Variants in PALM2AKAP2 observed in about 807,000 individuals in gnomAD.
PALM2AKAP2 encodes PALM2-AKAP2 fusion protein.
Under a neutral mutation model 71.5 loss-of-function variants are expected in PALM2AKAP2, and 37 were observed. That is an observed-to-expected ratio of 0.52 (90% CI 0.40 to 0.68). The LOEUF is 0.68. Among genes scored for constraint, PALM2AKAP2 ranks in the 30% least tolerant of loss-of-function variants. The pLI, the probability that PALM2AKAP2 is intolerant of heterozygous loss-of-function variation, is 0.00. For missense variants in PALM2AKAP2, 1,224 were observed against 1,191.8 expected, an observed-to-expected ratio of 1.03 and a Z score of -0.40; for synonymous variants, 468 against 478.8, an observed-to-expected ratio of 0.98 and a Z score of 0.29.
chr9:110,164,623 C>G (rs929748950), intron 3 of PALM2AKAP2, among the ~76,000 whole-genome samples: 9 of 151,622 alleles, frequency 5.9e-5, no homozygotes, highest in African/African-American at 2.2e-4. Flanking sequence ...CTCTGCCTCC[C>G]ATGCTCAGGC....
chr9:110,048,830 G>T (rs1416256524), exon 1 of PALM2AKAP2: 1 of 1,532,044 alleles, frequency 6.5e-7, no homozygotes, highest in African/African-American at 1.4e-5. Context: ...CCCCAGGACT[G>T]CGCCCCCGGG....
At chr9:109,971,282 C>CTTTTTT (rs1304200183) in intron 6 of PALM2AKAP2, among the ~76,000 whole-genome samples, 7 of 100,760 alleles carry the variant, frequency 6.9e-5, no homozygotes, top group East Asian at 7.2e-4. Flanking sequence ...ACTCTTAGTC[C>CTTTTTT]CTTTTTTTTT....
At chr9:109,839,459 C>T (rs1174268734) in intron 1 of PALM2AKAP2, among the ~76,000 whole-genome samples, 1 of 152,116 alleles carries the variant, frequency 6.6e-6, no homozygotes, top group Admixed American at 6.5e-5. Context: ...GGAAGCATTC[C>T]CTTTGAAAAC....
intron 7 of PALM2AKAP2, among the ~76,000 whole-genome samples, chr9:110,032,603 A>C (rs1283831678): frequency 6.6e-6 from 1 of 151,950 alleles, no homozygotes; most frequent in Non-Finnish European, 1.5e-5. Context: ...AGGCAGAAGA[A>C]TCGCTTGACC....
rs34347147 is a variant in PALM2AKAP2 at position 110,057,366 on chromosome 9, GTTTT to G, written c.156+8522_156+8525del. Among the ~76,000 whole-genome samples, 249 of 134,094 alleles carry G rather than the reference GTTTT, an allele frequency of 1.9e-3. 1 individual carries two copies. Among genetic ancestry groups the G allele is most frequent in the African/African-American group, 6.5e-3 (235 of 36,288 alleles). 88.0% of individuals were successfully genotyped at this position (134,094 alleles called of 152,430 possible). On this transcript the variant is annotated intron_variant, in intron 1 of 3. Transcript: ENST00000374525. Reference sequence around the variant, plus strand: ...AGTTTTCCTACCCAGCTCCTTCTCTGTTTTTTTTTTTTTTGTTTTTTTGTTTTTT... The same window carrying G: ...AGTTTTCCTACCCAGCTCCTTCTCTGTTTTTTTTTTGTTTTTTTGTTTTTT...
intron 1 of PALM2AKAP2, among the ~76,000 whole-genome samples, chr9:109,712,298 T>C (rs141629404): frequency 1.9e-3 from 292 of 152,328 alleles, no homozygotes; most frequent in Non-Finnish European, 3.2e-3. Flanking sequence ...TAATATCTAC[T>C]GACAAAAGAG....
At chr9:109,835,047 T>C (rs1035473628) in intron 1 of PALM2AKAP2, among the ~76,000 whole-genome samples, 1 of 152,002 alleles carries the variant, frequency 6.6e-6, no homozygotes, top group African/African-American at 2.4e-5. Context: ...CACAGTGCCA[T>C]TGAGTCTGAG....
chr9:110,017,389 C>A (rs967781259), intron 7 of PALM2AKAP2, among the ~76,000 whole-genome samples: 1 of 152,164 alleles, frequency 6.6e-6, no homozygotes, highest in African/African-American at 2.4e-5. Flanking sequence ...TGGTAACTAT[C>A]CAGTGCTGAA....
At chr9:109,964,682 C>T (rs1831913771) in intron 6 of PALM2AKAP2, among the ~76,000 whole-genome samples, 1 of 152,160 alleles carries the variant, frequency 6.6e-6, no homozygotes, top group African/African-American at 2.4e-5. Flanking sequence ...CTTACTATAC[C>T]TCAGCTGGGA....
At chr9:110,031,068 A>G (rs929677061) in intron 7 of PALM2AKAP2, among the ~76,000 whole-genome samples, 1 of 152,154 alleles carries the variant, frequency 6.6e-6, no homozygotes, top group Non-Finnish European at 1.5e-5. Context: ...AGGGTAGGGT[A>G]TTGGATTTGT....
intron 2 of PALM2AKAP2, among the ~76,000 whole-genome samples, chr9:110,140,821 C>G (rs1053247080): frequency 6.6e-5 from 10 of 152,174 alleles, no homozygotes; most frequent in African/African-American, 2.4e-4. Flanking sequence ...AACACTACAG[C>G]AGGTACCATC....
At chr9:109,778,883 C>T, upstream of PALM2AKAP2, among the ~76,000 whole-genome samples, 1 of 151,728 alleles carries the variant, frequency 6.6e-6, no homozygotes. Context: ...ATTCTCCTGC[C>T]TCGGCTTCCC....
chr9:109,684,284 G>T (rs1448173818), intron 1 of PALM2AKAP2, among the ~76,000 whole-genome samples: 1 of 152,100 alleles, frequency 6.6e-6, no homozygotes, highest in East Asian at 1.9e-4. Flanking sequence ...GCAGCATCTA[G>T]GGCAGTGGTG....
intron 1 of PALM2AKAP2, among the ~76,000 whole-genome samples, chr9:109,648,384 G>T (rs969778197): frequency 6.6e-6 from 1 of 152,100 alleles, no homozygotes; most frequent in East Asian, 1.9e-4. Flanking sequence ...GATTCTTTTT[G>T]AGTGCCCTTT....
chr9:109,823,567 G>A (rs1828066580), intron 1 of PALM2AKAP2, among the ~76,000 whole-genome samples: 1 of 152,200 alleles, frequency 6.6e-6, no homozygotes, highest in East Asian at 1.9e-4. Context: ...TGAAACCACA[G>A]TGGAGACCAC....
chr9:109,977,437 A>G (rs1207277610), intron 6 of PALM2AKAP2, among the ~76,000 whole-genome samples: 3 of 152,222 alleles, frequency 2.0e-5, no homozygotes, highest in African/African-American at 4.8e-5. Context: ...CTTTTGCAGA[A>G]TTAGGCAGCC....
chr9:109,921,556 A>G (rs780500971), intron 3 of PALM2AKAP2, among the ~76,000 whole-genome samples: 6 of 152,240 alleles, frequency 3.9e-5, no homozygotes, highest in Non-Finnish European at 8.8e-5. Flanking sequence ...AAACAAAATA[A>G]TGTGCTAAGA....
At chr9:109,884,094 T>C (rs1391062028) in intron 3 of PALM2AKAP2, among the ~76,000 whole-genome samples, 4 of 152,182 alleles carry the variant, frequency 2.6e-5, no homozygotes, top group African/African-American at 7.2e-5. Context: ...AGGAGCATGA[T>C]TGTTGAATTG....
chr9:110,004,649 T>C (rs1344508709), intron 6 of PALM2AKAP2, among the ~76,000 whole-genome samples: 4 of 152,222 alleles, frequency 2.6e-5, no homozygotes, highest in Non-Finnish European at 5.9e-5. Flanking sequence ...CCATTCTCCC[T>C]GTCACTTTCA....
Sources: allele counts gnomAD v4.1 joint callset (sites outside exome capture counted in the v4.1 genomes callset), GRCh38; gene constraint gnomAD v4.1.1; transcripts MANE v1.5; gene names NCBI Gene and HGNC (gene_info 2026-07-23, HGNC 2026-07-21).